Variants in EYS observed in about 807,000 individuals in gnomAD.
The protein encoded by EYS is EGF-like photoreceptor maintenance factor, also known as protein eyes shut homolog.
EYS carries 250 observed loss-of-function variants against 282.1 expected under a neutral mutation model. The ratio of observed to expected loss-of-function variants is 0.89; its 90% CI spans 0.80 to 0.98. The LOEUF (loss-of-function observed/expected upper bound fraction) is 0.98. Among genes scored for constraint, EYS ranks in the 50% least tolerant of loss-of-function variants. The pLI, the probability that EYS is intolerant of heterozygous loss-of-function variation, is 0.00. For synonymous variants in EYS, 1,355 were observed against 1,282.9 expected, an observed-to-expected ratio of 1.06 and a Z score of -1.20; for missense variants, 4,016 against 3,709.0, an observed-to-expected ratio of 1.08 and a Z score of -2.15.
intron 21 of EYS, among the ~76,000 whole-genome samples, chr6:64,817,910 C>A (rs193203733): frequency 6.6e-6 from 1 of 151,976 alleles, no homozygotes; most frequent in East Asian, 1.9e-4. Context: ...TAATTCTTTC[C>A]TTTTTATTTA....
chr6:63,910,697 T>C (rs1247387311), intron 35 of EYS, among the ~76,000 whole-genome samples: 2 of 152,342 alleles, frequency 1.3e-5, no homozygotes, highest in East Asian at 3.9e-4. Flanking sequence ...TATTAGATAG[T>C]TTTGAATGGC....
intron 35 of EYS, among the ~76,000 whole-genome samples, chr6:63,966,377 G>A (rs535552354): frequency 6.6e-6 from 1 of 152,282 alleles, no homozygotes; most frequent in East Asian, 1.9e-4. Context: ...GTGGGAGGGG[G>A]TGAGGGATAA....
At chr6:65,145,513 GAA>G (rs369522895) in intron 12 of EYS, among the ~76,000 whole-genome samples, 1 of 142,668 alleles carries the variant, frequency 7.0e-6, no homozygotes. Context: ...TATGTAAGAG[GAA>G]AAAAAAAAAG....
intron 1 of EYS, among the ~76,000 whole-genome samples, chr6:65,642,840 A>T (rs570506112): frequency 6.6e-6 from 1 of 152,312 alleles, no homozygotes; most frequent in Non-Finnish European, 1.5e-5. Context: ...TCCTCCCATT[A>T]TGGGAAACAC....
chr6:65,196,879 G>A (rs186702163), intron 12 of EYS, among the ~76,000 whole-genome samples: 5 of 152,064 alleles, frequency 3.3e-5, no homozygotes, highest in Non-Finnish European at 7.4e-5. Flanking sequence ...TAGGTGTGCT[G>A]GAGGATAGCA....
At chr6:64,913,990 T>C (rs974170080) in intron 15 of EYS, among the ~76,000 whole-genome samples, 2 of 152,186 alleles carry the variant, frequency 1.3e-5, no homozygotes, top group Non-Finnish European at 2.9e-5. Context: ...TCTGTCATTA[T>C]CTTCAAATAC....
chr6:64,165,173 A>C (rs933943011), intron 31 of EYS, among the ~76,000 whole-genome samples: 1 of 152,054 alleles, frequency 6.6e-6, no homozygotes, highest in Non-Finnish European at 1.5e-5. Context: ...ATACCTCAAT[A>C]AATCTGTTAA....
At chr6:63,852,244 A>G (rs1772278226) in intron 36 of EYS, among the ~76,000 whole-genome samples, 1 of 151,826 alleles carries the variant, frequency 6.6e-6, no homozygotes, top group African/African-American at 2.4e-5. Context: ...TAGCCAGACT[A>G]ATAAGAAAAG....
At chr6:65,196,294 T>G (rs1312651390) in intron 12 of EYS, among the ~76,000 whole-genome samples, 1 of 152,088 alleles carries the variant, frequency 6.6e-6, no homozygotes, top group Non-Finnish European at 1.5e-5. Context: ...TTTCATGTAC[T>G]CAAGCTCAAA....
chr6:64,461,804 T>A (rs2150485640), intron 26 of EYS, among the ~76,000 whole-genome samples: 1 of 152,306 alleles, frequency 6.6e-6, no homozygotes, highest in Non-Finnish European at 1.5e-5. Flanking sequence ...ATATAAAAAT[T>A]GTCATTTTAA....
At chr6:64,646,683 G>A (rs953524823) in intron 22 of EYS, among the ~76,000 whole-genome samples, 9 of 151,748 alleles carry the variant, frequency 5.9e-5, no homozygotes, top group Non-Finnish European at 1.0e-4. Context: ...GCGGGCGCCT[G>A]AGTCCCAGCT....
chr6:65,649,595 T>C (rs1767580880), intron 1 of EYS, among the ~76,000 whole-genome samples: 1 of 152,220 alleles, frequency 6.6e-6, no homozygotes, highest in Non-Finnish European at 1.5e-5. Flanking sequence ...TGCTGATACA[T>C]GCAAAATAGA....
chr6:63,891,754 G>A (rs1043248274), intron 35 of EYS, among the ~76,000 whole-genome samples: 8 of 152,120 alleles, frequency 5.3e-5, no homozygotes, highest in Non-Finnish European at 8.8e-5. Context: ...GCAAGAGAAC[G>A]AAATAAAGGG....
intron 19 of EYS, among the ~76,000 whole-genome samples, chr6:64,838,121 GATGTATT>G (rs1321072386): frequency 6.6e-6 from 1 of 151,784 alleles, no homozygotes; most frequent in Non-Finnish European, 1.5e-5. Context: ...CAAACACATT[GATGTATT>G]ATTGCTTAGT....
chr6:65,335,274 A>T, intron 10 of EYS, 128 bp from the exon 11 acceptor site: 1 of 733,424 alleles, frequency 1.4e-6, no homozygotes, highest in Non-Finnish European at 2.4e-6. Context: ...TTAAGGAAAC[A>T]GAAGGTAACT....
intron 33 of EYS, among the ~76,000 whole-genome samples, chr6:64,031,647 T>C (rs1769844782): frequency 6.6e-6 from 1 of 152,172 alleles, no homozygotes; most frequent in Non-Finnish European, 1.5e-5. Context: ...AATGCACCAA[T>C]CAGCACCCTG....
chr6:64,266,369 T>C (rs180995808), intron 30 of EYS, among the ~76,000 whole-genome samples: 9 of 151,836 alleles, frequency 5.9e-5, no homozygotes, highest in Admixed American at 5.3e-4. Flanking sequence ...AACAATAGAG[T>C]GCTTAGCTTA....
chr6:64,289,736 A>T (rs1012220708), intron 30 of EYS, among the ~76,000 whole-genome samples: 1 of 152,084 alleles, frequency 6.6e-6, no homozygotes, highest in African/African-American at 2.4e-5. Flanking sequence ...AGGTCAATAT[A>T]TATTTACTGT....
chr6:64,950,540 C>A (rs912573483), intron 14 of EYS, among the ~76,000 whole-genome samples: 3 of 150,304 alleles, frequency 2.0e-5, no homozygotes, highest in Non-Finnish European at 4.4e-5. Flanking sequence ...TGGAAATATG[C>A]CAGAAATGGA....
Sources: gnomAD v4.1 joint callset for allele counts (sites outside exome capture counted in the v4.1 genomes callset) on GRCh38, gnomAD v4.1.1 for gene constraint, MANE v1.5 for transcripts, NCBI Gene and HGNC (gene_info 2026-07-23, HGNC 2026-07-21) for gene names.